Variants in FGD6 observed in about 807,000 individuals in gnomAD.
FGD6 encodes FYVE, RhoGEF and PH domain containing 6.
In FGD6, 90 loss-of-function variants were observed where a neutral mutation model predicts 149.4. The ratio of observed to expected loss-of-function variants is 0.60; its 90% CI spans 0.51 to 0.72. The LOEUF (loss-of-function observed/expected upper bound fraction) is 0.72, where lower values mean the gene tolerates loss of function less well. Among genes scored for constraint, FGD6 ranks in the 30% least tolerant of loss-of-function variants. The pLI is 0.00. For missense variants in FGD6, 1,437 were observed against 1,684.8 expected (o/e 0.85, Z 2.57); for synonymous variants, 527 against 584.0 (o/e 0.90, Z 1.41).
intron 3 of FGD6, among the ~76,000 whole-genome samples, chr12:95,162,100 C>CA (rs762218917): frequency 0.3 from 18,251 of 61,850 alleles, 1,772 homozygotes; most frequent in East Asian, 0.34. Flanking sequence ...CTGAAAAATA[C>CA]AAAAAAAAAA....
Position 95,209,099 on chromosome 12 carries a change from G to A in FGD6, c.2185C>T (p.Arg729Trp), listed in dbSNP as rs759103294. 14 of 1,614,036 alleles carry A rather than the reference G, an allele frequency of 8.7e-6. No homozygotes were observed. The highest frequency in any genetic ancestry group is 1.6e-4 in the Middle Eastern group (1 of 6,062). The change falls in exon 2 of 21, where the codon CGG becomes TGG. Residue 729 changes from arginine to tryptophan, a missense_variant. By Grantham distance (101) the Arg-to-Trp change is moderately radical. Transcript: ENST00000343958. ...AESLDDQMLS[R>W]ESSSQAPYKS... Reference sequence around the variant, plus strand: ...TAAGGTGCCTGAGATGATGACTCCCGGGAGAGCATTTGGTCATCCAAAGAC... The same window carrying A: ...TAAGGTGCCTGAGATGATGACTCCCAGGAGAGCATTTGGTCATCCAAAGAC...
At chr12:95,186,021 A>G (rs1881419373) in intron 2 of FGD6, among the ~76,000 whole-genome samples, 1 of 151,950 alleles carries the variant, frequency 6.6e-6, no homozygotes, top group African/African-American at 2.4e-5. Flanking sequence ...CAGTAAGCAG[A>G]ATGGCAAGAG....
At chr12:95,104,599 G>A (rs1016175322) in intron 14 of FGD6, among the ~76,000 whole-genome samples, 5 of 151,948 alleles carry the variant, frequency 3.3e-5, no homozygotes, top group Non-Finnish European at 7.4e-5. Context: ...ACCATACTTG[G>A]CTAATTTTTG....
chr12:95,197,940 A>G (rs1458796470), intron 2 of FGD6, among the ~76,000 whole-genome samples: 4 of 152,190 alleles, frequency 2.6e-5, no homozygotes, highest in African/African-American at 9.7e-5. Context: ...CCTATTACCT[A>G]ACCACAAGAG....
At chr12:95,200,350 G>T (rs1156343940) in intron 2 of FGD6, among the ~76,000 whole-genome samples, 4 of 152,062 alleles carry the variant, frequency 2.6e-5, no homozygotes, top group Non-Finnish European at 4.4e-5. Context: ...GGTTTTCTTT[G>T]TTCAGTGTTT....
chr12:95,084,397 A>AT (rs1315646946), intron 20 of FGD6, 101 bp downstream of exon 20: 2 of 974,196 alleles, frequency 2.1e-6, no homozygotes, highest in East Asian at 5.5e-5. Flanking sequence ...TCTGATGTAA[A>AT]TTTTGAGTTG....
At chr12:95,189,108 T>C (rs1477650876) in intron 2 of FGD6, 1 of 152,184 alleles carries the variant, frequency 6.6e-6, no homozygotes, top group Non-Finnish European at 1.5e-5. Context: ...AAATTATGTA[T>C]AGCAAAATGG....
chr12:95,140,990 G>C (rs529257836), intron 6 of FGD6, among the ~76,000 whole-genome samples: 1 of 152,174 alleles, frequency 6.6e-6, no homozygotes, highest in East Asian at 1.9e-4. Context: ...TTTAGGCAGA[G>C]GCAGGCAGAT....
intron 3 of FGD6, among the ~76,000 whole-genome samples, chr12:95,155,372 CA>C (rs1228263798): frequency 2.0e-5 from 3 of 151,948 alleles, no homozygotes; most frequent in African/African-American, 7.2e-5. Context: ...ACTAAAAATA[CA>C]AAAAATTAGC....
At chr12:95,152,375 G>T (rs895047166) in intron 5 of FGD6, among the ~76,000 whole-genome samples, 1 of 152,010 alleles carries the variant, frequency 6.6e-6, no homozygotes, top group Non-Finnish European at 1.5e-5. Context: ...ACAGAAAATA[G>T]AACTAAAACT....
intron 17 of FGD6, among the ~76,000 whole-genome samples, chr12:95,090,971 G>A (rs1200641859): frequency 6.6e-6 from 1 of 152,078 alleles, no homozygotes; most frequent in Non-Finnish European, 1.5e-5. Flanking sequence ...GCGTGGTCAC[G>A]CGTGCCCGTA....
In FGD6 at chr12:95,077,504, T is replaced by C. The variant is rs1166524910; in HGVS notation, c.*4016A>G. The C allele has an allele frequency of 6.6e-6, 1 of 152,238 alleles. No homozygotes were observed. The highest frequency in any genetic ancestry group is 6.5e-5 in the Admixed American group (1 of 15,268). 9.4% of individuals were successfully genotyped at this position (152,238 alleles called of 1,614,324 possible). ...GGTTGGGTAAGAGTTAGCTGGAATG[T>C]ATGGCAACTGAGGACGTGTTCCATG... On this transcript the variant is annotated 3_prime_UTR_variant, in exon 21 of 21. Transcript: ENST00000343958.
At chr12:95,155,372 C>CA (rs1228263798) in intron 3 of FGD6, among the ~76,000 whole-genome samples, 1 of 151,946 alleles carries the variant, frequency 6.6e-6, no homozygotes, top group African/African-American at 2.4e-5. Context: ...ACTAAAAATA[C>CA]AAAAAATTAG....
intron 13 of FGD6, among the ~76,000 whole-genome samples, chr12:95,105,590 A>T (rs933951618): frequency 2.0e-5 from 3 of 152,242 alleles, no homozygotes; most frequent in Non-Finnish European, 4.4e-5. Context: ...GGGGGAGGAA[A>T]GACAATAAGA....
rs1877507381 is a variant in FGD6 at position 95,076,809 on chromosome 12, TTTTA to T, written c.*4707_*4710del. 1.0e-5 allele frequency: 1 copy of T among 96,558 alleles called. No homozygotes were observed. The highest frequency in any genetic ancestry group is 3.8e-4 in the South Asian group (1 of 2,644). The allele number at this position is 96,558 out of a possible 1,614,324, so 6.0% of individuals were successfully genotyped here. On this transcript the variant is annotated 3_prime_UTR_variant, in exon 21 of 21. Transcript: ENST00000343958. Reference sequence around the variant, plus strand: ...TTAACATTATTTACAATGCTAATTTTTTTATTTATAAAGTATATATGGACAAAAA... The same window carrying T: ...TTAACATTATTTACAATGCTAATTTTTTTATAAAGTATATATGGACAAAAA...
chr12:95,155,590 A>G (rs892949026), intron 3 of FGD6, among the ~76,000 whole-genome samples: 3 of 152,206 alleles, frequency 2.0e-5, no homozygotes, highest in Admixed American at 1.3e-4. Context: ...ACAAGAAGTC[A>G]GAGAACTATA....
At chr12:95,170,476 T>C (rs1880960263) in intron 3 of FGD6, among the ~76,000 whole-genome samples, 2 of 152,054 alleles carry the variant, frequency 1.3e-5, no homozygotes, top group Admixed American at 1.3e-4. Context: ...ACCCCGTCTC[T>C]ACTAAAAATA....
At chr12:95,108,609 C>A (rs1374960464) in intron 9 of FGD6, 48 bp from the exon 10 acceptor site, 1 of 1,605,378 alleles carries the variant, frequency 6.2e-7, no homozygotes, top group Non-Finnish European at 8.5e-7. Context: ...ACAATGGAAA[C>A]AAATAGTTTG....
At chr12:95,172,880 G>C (rs1232385919) in intron 2 of FGD6, 136 bp from the exon 3 acceptor site, 1 of 684,398 alleles carries the variant, frequency 1.5e-6, no homozygotes, top group Non-Finnish European at 2.2e-6. Context: ...AAAAGACCCA[G>C]ATCAGCCAAC....
Sources: allele counts gnomAD v4.1 joint callset (sites outside exome capture counted in the v4.1 genomes callset), GRCh38; gene constraint gnomAD v4.1.1; transcripts MANE v1.5; gene names NCBI Gene and HGNC (gene_info 2026-07-23, HGNC 2026-07-21).